Variants in DEF8 observed in about 807,000 individuals in gnomAD.
The protein encoded by DEF8 is differentially expressed in FDCP 8 homolog.
DEF8 carries 38 observed loss-of-function variants against 59.1 expected under a neutral mutation model. That is an observed-to-expected ratio of 0.64 (90% CI 0.50 to 0.84). The LOEUF (loss-of-function observed/expected upper bound fraction) is 0.84. Among genes scored for constraint, DEF8 ranks in the 40% least tolerant of loss-of-function variants. The pLI is 0.00. For missense variants in DEF8, 557 were observed against 615.2 expected (o/e 0.91, Z 1.00); for synonymous variants, 265 against 250.1 (o/e 1.06, Z -0.56).
At position 89,954,720 on chromosome 16, in the gene DEF8, G is replaced by A. The variant is rs1197004024; in HGVS notation, c.124+344G>A. 6.6e-6 allele frequency among the ~76,000 whole-genome samples: 1 copy of A among 152,198 alleles called. No individual in the cohort carries two copies. The highest frequency in any genetic ancestry group is 1.5e-5 in the Non-Finnish European group (1 of 68,030). ...GGGAACGTGCTCTGGGCGTCAGGGT[G>A]GCATGAGCTTTAGAAACTGCAGATG... On this transcript the variant is annotated intron_variant, in intron 3 of 12. Transcript: ENST00000563594. The surrounding 1 kb of genome is among the most constrained non-coding windows in gnomAD (Gnocchi z 4.3).
At chr16:89,961,956 C>G in intron 8 of DEF8, 56 bp from the exon 9 acceptor site, 1 of 1,607,812 alleles carries the variant, frequency 6.2e-7, no homozygotes, top group South Asian at 1.1e-5. Flanking sequence ...TTGGGTGTTG[C>G]CCGCTGCACG....
At position 89,957,410 on chromosome 16, in the gene DEF8, G is replaced by A. The variant is rs565607436; in HGVS notation, c.223-101G>A. 132 of 1,286,368 alleles carry A rather than the reference G, an allele frequency of 1.0e-4. 5 individuals carry two copies. In the Middle Eastern group the frequency reaches 2.5e-3, roughly 24 times the overall value. 79.7% of individuals were successfully genotyped at this position (1,286,368 alleles called of 1,614,324 possible). On this transcript the variant is annotated intron_variant, in intron 4 of 12. Coordinates refer to ENST00000563594, the MANE Select transcript of DEF8 (RefSeq NM_001242818.2). ...GGGTTGAGTTTCCTTCTCTGGGTGA[G>A]GGGTGTCGGGGTCTGCTCTGGGCCT... is the stretch of plus-strand genomic sequence containing the variant.
chr16:89,959,964 C>T (rs115054330), intron 6 of DEF8, among the ~76,000 whole-genome samples: 6,386 of 151,850 alleles, frequency 0.042, 452 homozygotes, highest in African/African-American at 0.14. Flanking sequence ...AGGACTGTTC[C>T]GGTGGGGACA....
chr16:89,958,740 A>G (rs532185216), intron 5 of DEF8, among the ~76,000 whole-genome samples: 2 of 152,322 alleles, frequency 1.3e-5, no homozygotes, highest in South Asian at 4.1e-4. Flanking sequence ...TCACATGCCC[A>G]TGGCCCGGTG....
chr16:89,963,730 C>T, intron 10 of DEF8: 1 of 523,214 alleles, frequency 1.9e-6, no homozygotes, highest in East Asian at 3.2e-5. Context: ...CAAGGTTCAT[C>T]TAATTATGTG....
chr16:89,949,252 C>G (rs1432979041), intron 1 of DEF8, among the ~76,000 whole-genome samples, 165 bp from the exon 2 acceptor site: 1 of 152,034 alleles, frequency 6.6e-6, no homozygotes, highest in Non-Finnish European at 1.5e-5. Flanking sequence ...CTCAGGGGAC[C>G]CGCGTGGCCG....
rs759775934 is a variant in DEF8 at position 89,964,202 on chromosome 16, C to T, written c.1035C>T (p.Asp345=). ...LQDRQHFVEN[D]EMYSVQDLLD... is the part of the protein sequence containing the mutation. ...ATCGGCAGCATTTTGTGGAGAACGA[C>T]GAGATGTACTCTGTCCAGGACCTCC... is the stretch of plus-strand genomic sequence containing the variant. The change falls in exon 11 of 13, where the codon GAC becomes GAT. Residue 345 remains aspartate (D), a synonymous_variant. Coordinates refer to ENST00000563594, the MANE Select transcript of DEF8 (RefSeq NM_001242818.2). 108 of 1,613,694 alleles carry T rather than the reference C, an allele frequency of 6.7e-5. No individual in the cohort carries two copies. The highest frequency in any genetic ancestry group is 8.8e-5 in the South Asian group (8 of 91,078).
chr16:89,948,949 GCT>G (rs2031294639), intron 1 of DEF8, 135 bp downstream of exon 1: 1 of 46,978 alleles, frequency 2.1e-5, no homozygotes, highest in Admixed American at 1.8e-4. Flanking sequence ...CGGGGACGGG[GCT>G]GGGAGGGACG....
chr16:89,961,643 G>A, intron 7 of DEF8, 94 bp from the exon 8 acceptor site: 1 of 1,503,998 alleles, frequency 6.6e-7, no homozygotes, highest in South Asian at 1.1e-5. Context: ...GTCTCCCCGA[G>A]GGCTGTGGTC....
Position 89,961,008 on chromosome 16 carries a change from G to A in DEF8, c.592G>A (p.Ala198Thr), listed in dbSNP as rs1457882679. 6.2e-7 allele frequency: 1 copy of A among 1,614,190 alleles called. No individual in the cohort carries two copies. Among genetic ancestry groups the A allele is most frequent in the Admixed American group, 1.7e-5 (1 of 60,022 alleles). ...TGTGAGCTCCAAAGTCAGCCACCAA[G>A]CTGAATACGAACTGAACATCTGCCC... is the stretch of plus-strand genomic sequence containing the variant. ...PCVSSKVSHQ[A>T]EYELNICPET... The change falls in exon 7 of 13, where the codon GCT (alanine) becomes ACT (threonine). Residue 198 changes from alanine (A) to threonine (T), a missense_variant. Physicochemically the swap from Ala to Thr is moderately conservative, Grantham distance 58 (BLOSUM62 0). Coordinates refer to ENST00000563594, the MANE Select transcript of DEF8 (RefSeq NM_001242818.2).
In DEF8 at chr16:89,961,046, G is replaced by T; in HGVS notation, c.630G>T (p.Leu210=). ...YELNICPETG[L]DSQDYRCAEC... ...TGAACATCTGCCCTGAGACAGGGCTGGACAGCCAGGATTACCGCTGTGCCG... is the reference window on the plus strand; with the variant it reads ...TGAACATCTGCCCTGAGACAGGGCTTGACAGCCAGGATTACCGCTGTGCCG... Residue 210 remains leucine (L), a synonymous_variant, in exon 7 of 13, where the codon CTG becomes CTT. Coordinates refer to ENST00000563594, the MANE Select transcript of DEF8 (RefSeq NM_001242818.2). The T allele has an allele frequency of 1.2e-6, 2 of 1,614,114 alleles. No homozygotes were observed. Among genetic ancestry groups the T allele is most frequent in the Non-Finnish European group, 1.7e-6 (2 of 1,180,006 alleles).
intron 6 of DEF8, among the ~76,000 whole-genome samples, chr16:89,960,215 G>C (rs952499866): frequency 5.9e-5 from 9 of 152,182 alleles, no homozygotes; most frequent in Admixed American, 5.2e-4. Flanking sequence ...TACTGTGGCT[G>C]CTGACTGAGC....
chr16:89,955,926 A>T lies in DEF8; in HGVS notation c.222+660A>T, dbSNP rs376031862. On this transcript the variant is annotated intron_variant, in intron 4 of 12. Transcript: ENST00000563594. ...TCTCTACTAAAAAATGCAAAAAATC[A>T]GCCGGGCGTGGTGGCACATGCCTGT... Among the ~76,000 whole-genome samples the T allele has an allele frequency of 8.0e-5, 12 of 150,728 alleles. 1 individual carries two copies. The highest frequency in any genetic ancestry group is 7.2e-4 in the Admixed American group (11 of 15,186).
chr16:89,954,202 C>G lies in DEF8; in HGVS notation c.-10-41C>G, dbSNP rs761414792. 6.2e-7 allele frequency: 1 copy of G among 1,601,060 alleles called. No individual in the cohort carries two copies. Among genetic ancestry groups the G allele is most frequent in the Non-Finnish European group, 8.5e-7 (1 of 1,174,244 alleles). On this transcript the variant is annotated intron_variant, in intron 2 of 12. Coordinates refer to ENST00000563594, the MANE Select transcript of DEF8 (RefSeq NM_001242818.2). This position sits in a 1 kb window ranked among gnomAD's most constrained non-coding sequence, Gnocchi z 4.3. ...GGAAAGGGGGTGGTCCGTGGTGAGC[C>G]TGGTACCTGGGGACTCATCCTGGCC...
chr16:89,963,344 G>A lies in DEF8; in HGVS notation c.922-19G>A. 1.2e-6 allele frequency: 2 copies of A among 1,611,350 alleles called. No individual in the cohort carries two copies. The highest frequency in any genetic ancestry group is 1.1e-5 in the South Asian group (1 of 90,806). The stretch of plus-strand genomic sequence containing the variant: ...GTGTCCTGGCTGAGGAGGCCTGCCT[G>A]CTCCCGCCTTGTTTGCAGAAGCTGC... On this transcript the variant is annotated intron_variant, in intron 9 of 12. Transcript: ENST00000563594.
chr16:89,966,090 G>GC lies in DEF8; in HGVS notation c.*127_*128insC. 1.5e-6 allele frequency: 1 copy of GC among 683,886 alleles called. No homozygotes were observed. The highest frequency in any genetic ancestry group is 2.4e-6 in the Non-Finnish European group (1 of 409,818). The allele number at this position is 683,886 out of a possible 1,614,324, so 42.4% of individuals were successfully genotyped here. A position where few individuals can be genotyped will look rare whatever the true frequency, so the allele number is the denominator to read the frequency against. ...GGCCCCCTCCACCCCTGCTGGGCCAGAGCGGGTGGGCAGTGTCAAGGCCCG... is the reference window on the plus strand; with the variant it reads ...GGCCCCCTCCACCCCTGCTGGGCCAGCAGCGGGTGGGCAGTGTCAAGGCCCG... On this transcript the variant is annotated 3_prime_UTR_variant, in exon 13 of 13. Transcript: ENST00000563594.
intron 7 of DEF8, 39 bp downstream of exon 7, chr16:89,961,134 T>C: frequency 6.3e-7 from 1 of 1,592,082 alleles, no homozygotes. Flanking sequence ...GAGGGAGCTG[T>C]TCCTGGCGGG....
chr16:89,949,364 C>G, intron 1 of DEF8, 53 bp from the exon 2 acceptor site: 1 of 1,462,076 alleles, frequency 6.8e-7, no homozygotes, highest in South Asian at 1.2e-5. Context: ...GGGCGAGCTC[C>G]CGCGGGTGTG....
chr16:89,963,286 C>A, intron 9 of DEF8, 77 bp from the exon 10 acceptor site: 1 of 1,314,212 alleles, frequency 7.6e-7, no homozygotes, highest in Non-Finnish European at 1.1e-6. Flanking sequence ...CCTGCCGTGG[C>A]CCCGGGTGTG....
Sources: allele counts gnomAD v4.1 joint callset (sites outside exome capture counted in the v4.1 genomes callset), GRCh38; gene constraint gnomAD v4.1.1; non-coding constraint Gnocchi (gnomAD v3.1); transcripts MANE v1.5; gene names NCBI Gene and HGNC (gene_info 2026-07-23, HGNC 2026-07-21).